The following AATF variants were observed in gnomAD, a reference collection of about 807,000 sequenced individuals.
AATF encodes the protein apoptosis antagonizing transcription factor, also known as protein AATF.
Under a neutral mutation model 63.7 loss-of-function variants are expected in AATF, and 48 were observed. That is an observed-to-expected ratio of 0.75 (90% CI 0.60 to 0.96). The LOEUF (loss-of-function observed/expected upper bound fraction) is 0.96, where lower values mean the gene tolerates loss of function less well. Ranked by LOEUF, AATF falls within the 40% of genes least tolerant of loss-of-function variation. AATF has a pLI of 0.00. For synonymous variants in AATF, 258 were observed against 247.7 expected, an observed-to-expected ratio of 1.04 and a Z score of -0.39; for missense variants, 639 against 685.7, an observed-to-expected ratio of 0.93 and a Z score of 0.76.
At chr17:37,026,543 G>A (rs1360962345) in intron 10 of AATF, among the ~76,000 whole-genome samples, 3 of 152,140 alleles carry the variant, frequency 2.0e-5, no homozygotes, top group Non-Finnish European at 2.9e-5. Context: ...TCCATTTCCC[G>A]GCCTTGAGAC....
At chr17:36,982,233 G>GTTTTTTTTTTTTTTTT (rs61030839) in intron 4 of AATF, among the ~76,000 whole-genome samples, 2 of 121,758 alleles carry the variant, frequency 1.6e-5, no homozygotes, top group Non-Finnish European at 3.6e-5. Flanking sequence ...TTTTTGTTTT[G>GTTTTTTTTTTTTTTTT]TTTTTTTTTT....
intron 8 of AATF, chr17:36,998,602 A>T (rs1010204090): frequency 6.6e-6 from 1 of 152,196 alleles, no homozygotes; most frequent in African/African-American, 2.4e-5. Flanking sequence ...GTTAACATTT[A>T]TTAGTCTGGG....
intron 10 of AATF, among the ~76,000 whole-genome samples, chr17:37,027,039 A>G (rs2071515993): frequency 6.6e-6 from 1 of 152,230 alleles, no homozygotes; most frequent in Non-Finnish European, 1.5e-5. Context: ...GATTAACATT[A>G]CCTTCTGGAA....
chr17:37,002,891 A>G (rs2071311990), intron 8 of AATF, among the ~76,000 whole-genome samples: 1 of 145,464 alleles, frequency 6.9e-6, no homozygotes, highest in African/African-American at 2.6e-5. Flanking sequence ...CCCTATCAAC[A>G]TTCCTGTTGC....
At chr17:36,960,105 C>G (rs1388359352) in intron 4 of AATF, among the ~76,000 whole-genome samples, 1 of 151,950 alleles carries the variant, frequency 6.6e-6, no homozygotes, top group Non-Finnish European at 1.5e-5. Context: ...CCTCTGCCTC[C>G]CGGGTTTAAG....
At chr17:37,026,267 A>G (rs1040214433) in intron 10 of AATF, among the ~76,000 whole-genome samples, 3 of 152,230 alleles carry the variant, frequency 2.0e-5, no homozygotes, top group Non-Finnish European at 4.4e-5. Context: ...TAGAAGCCCA[A>G]AATTATTACA....
chr17:37,000,205 G>A (rs2071283658), intron 8 of AATF, among the ~76,000 whole-genome samples: 2 of 152,152 alleles, frequency 1.3e-5, no homozygotes, highest in Non-Finnish European at 1.5e-5. Context: ...GGGTGGTTTT[G>A]GAAGAGAGAA....
At chr17:36,995,652 C>T (rs192619907) in intron 8 of AATF, among the ~76,000 whole-genome samples, 1 of 152,182 alleles carries the variant, frequency 6.6e-6, no homozygotes, top group Non-Finnish European at 1.5e-5. Context: ...ACTGTGACCT[C>T]GACCTCCTGG....
intron 11 of AATF, chr17:37,051,157 A>G (rs2071745461): frequency 6.6e-6 from 1 of 152,222 alleles, no homozygotes; most frequent in African/African-American, 2.4e-5. Context: ...CTCGGAGACC[A>G]TGATGCGCTT....
At chr17:36,976,955 GA>G (rs1168769453) in intron 4 of AATF, among the ~76,000 whole-genome samples, 8 of 152,172 alleles carry the variant, frequency 5.3e-5, no homozygotes, top group Non-Finnish European at 1.0e-4. Context: ...ATGGTTTTGA[GA>G]CACTCTAAGA....
At position 36,953,200 on chromosome 17, in the gene AATF, G is replaced by A. The variant is rs949756710; in HGVS notation, c.598G>A (p.Asp200Asn). Residue 200 changes from aspartate (D) to asparagine (N), a missense_variant, in exon 3 of 12, where the codon GAT becomes AAT. Physicochemically the swap from Asp to Asn is conservative, Grantham distance 23 (BLOSUM62 1). Coordinates refer to ENST00000619387, the MANE Select transcript of AATF (RefSeq NM_012138.4). ...QGESEEDRAG[D>N]RNSEDDGVVM... ...CGAGAGTGAGGAAGACAGGGCTGGA[G>A]ATAGAAACAGTGAGGATGATGGTGT... is the stretch of plus-strand genomic sequence containing the variant. The A allele has an allele frequency of 2.5e-6, 4 of 1,614,100 alleles. No individual in the cohort carries two copies. The African/African-American group carries it at 5.3e-5, about 22-fold the overall frequency.
chr17:36,953,816 T>G lies in AATF; in HGVS notation c.741T>G (p.Ala247=). 1 of 1,614,128 alleles carries G rather than the reference T, an allele frequency of 6.2e-7. No homozygotes were observed. Among genetic ancestry groups the G allele is most frequent in the Non-Finnish European group, 8.5e-7 (1 of 1,180,036 alleles). Reference sequence around the variant, plus strand: ...AAGGAAGGATCAAACTACAAAAAGCTCTGTTGACCACCAACCAGCTTCCTC... The same window carrying G: ...AAGGAAGGATCAAACTACAAAAAGCGCTGTTGACCACCAACCAGCTTCCTC... ...LLEGRIKLQK[A]LLTTNQLPQP... is the part of the protein sequence containing the mutation. Residue 247 remains alanine, a synonymous_variant, in exon 4 of 12, where the codon GCT becomes GCG. Coordinates refer to ENST00000619387, the MANE Select transcript of AATF (RefSeq NM_012138.4).
chr17:36,982,757 A>G (rs1219167349), intron 4 of AATF, among the ~76,000 whole-genome samples: 5 of 152,222 alleles, frequency 3.3e-5, no homozygotes, highest in Non-Finnish European at 5.9e-5. Context: ...CATTAAGGAC[A>G]TTCACATTGT....
At chr17:37,051,390 G>C (rs1390886655) in intron 11 of AATF, 1 of 152,252 alleles carries the variant, frequency 6.6e-6, no homozygotes, top group Non-Finnish European at 1.5e-5. Flanking sequence ...GCCCCACACA[G>C]ATTATTTGCA....
At chr17:36,964,884 C>G (rs989537569) in intron 4 of AATF, among the ~76,000 whole-genome samples, 5 of 151,742 alleles carry the variant, frequency 3.3e-5, no homozygotes, top group African/African-American at 1.2e-4. Flanking sequence ...CACAGCTGTG[C>G]TCTTGGGCCT....
intron 11 of AATF, chr17:37,034,523 GTT>G (rs928311336): frequency 7.2e-5 from 11 of 152,214 alleles, no homozygotes; most frequent in African/African-American, 2.6e-4. Flanking sequence ...GTTTTCCTAA[GTT>G]ATACATATGT....
intron 10 of AATF, among the ~76,000 whole-genome samples, chr17:37,029,155 C>T (rs1204779328): frequency 2.0e-5 from 3 of 152,142 alleles, no homozygotes; most frequent in African/African-American, 7.2e-5. Context: ...ACCTCCTAGG[C>T]TTAAGCAATC....
chr17:36,949,589 C>T (rs973633676), intron 1 of AATF, among the ~76,000 whole-genome samples: 1 of 152,242 alleles, frequency 6.6e-6, no homozygotes, highest in Non-Finnish European at 1.5e-5. Flanking sequence ...AAGAAAGTCG[C>T]ATGTTTTTAA....
intron 10 of AATF, among the ~76,000 whole-genome samples, chr17:37,023,064 T>G (rs932008735): frequency 3.9e-5 from 6 of 152,222 alleles, no homozygotes; most frequent in African/African-American, 1.4e-4. Flanking sequence ...ATTGTAATTT[T>G]ATGAGGACAT....
Sources: gnomAD v4.1 joint callset for allele counts (sites outside exome capture counted in the v4.1 genomes callset) on GRCh38, gnomAD v4.1.1 for gene constraint, MANE v1.5 for transcripts, NCBI Gene and HGNC (gene_info 2026-07-23, HGNC 2026-07-21) for gene names.